SEPTIN9: variants seen among roughly 807,000 people sequenced by gnomAD.
SEPTIN9 encodes the protein septin 9.
SEPTIN9 carries 13 observed loss-of-function variants against 56.6 expected under a neutral mutation model. That is an observed-to-expected ratio of 0.23 (90% confidence interval 0.15 to 0.37). The LOEUF is 0.37. SEPTIN9 is among the 10% of genes least tolerant of loss of function. The probability of loss-of-function intolerance (pLI) is 1.00; values close to 1 mark genes in which losing one functional copy is unlikely to be tolerated. For synonymous variants in SEPTIN9, 332 were observed against 334.1 expected, an observed-to-expected ratio of 0.99 and a Z score of 0.07; for missense variants, 650 against 823.1, an observed-to-expected ratio of 0.79 and a Z score of 2.57.
intron 3 of SEPTIN9, among the ~76,000 whole-genome samples, chr17:77,467,087 C>T (rs189871069): frequency 1.3e-5 from 2 of 152,338 alleles, no homozygotes; most frequent in African/African-American, 2.4e-5. Context: ...CCGCTGGGGC[C>T]GGCCATGTCA....
intron 2 of SEPTIN9, among the ~76,000 whole-genome samples, chr17:77,341,475 G>A (rs2033721900): frequency 6.6e-6 from 1 of 152,154 alleles, no homozygotes; most frequent in Non-Finnish European, 1.5e-5. Context: ...TGCAATAATG[G>A]CATTGAAGAT....
chr17:77,353,719 G>C (rs1250921476), intron 2 of SEPTIN9, among the ~76,000 whole-genome samples: 1 of 152,180 alleles, frequency 6.6e-6, no homozygotes, highest in Non-Finnish European at 1.5e-5. Flanking sequence ...TTGGTTGTCT[G>C]TGAGGACCAG....
intron 2 of SEPTIN9, among the ~76,000 whole-genome samples, chr17:77,397,979 GT>G (rs35934255): frequency 3.0e-4 from 43 of 141,576 alleles, no homozygotes; most frequent in South Asian, 4.5e-4. Context: ...GGTTTTGGTT[GT>G]TTTTTTTTTT....
intron 2 of SEPTIN9, among the ~76,000 whole-genome samples, chr17:77,332,105 A>G (rs1234326442): frequency 6.6e-6 from 1 of 152,000 alleles, no homozygotes; most frequent in Non-Finnish European, 1.5e-5. Flanking sequence ...GTGAGATCCC[A>G]TCTCTATAAA....
At chr17:77,407,392 T>G (rs938718670) in intron 3 of SEPTIN9, among the ~76,000 whole-genome samples, 1 of 150,112 alleles carries the variant, frequency 6.7e-6, no homozygotes. Context: ...TGGTGGTGAG[T>G]TGGGATGGCT....
chr17:77,359,653 G>C (rs2034353852), intron 2 of SEPTIN9, among the ~76,000 whole-genome samples: 1 of 152,126 alleles, frequency 6.6e-6, no homozygotes, highest in Non-Finnish European at 1.5e-5. Context: ...ATGTAGCTGA[G>C]TGTGGTGGCA....
At position 77,490,842 on chromosome 17, in the gene SEPTIN9, G is replaced by A; in HGVS notation, c.1363G>A (p.Val455Ile). 2 of 1,584,748 alleles carry A rather than the reference G, an allele frequency of 1.3e-6. No homozygotes were observed. The highest frequency in any genetic ancestry group is 1.7e-6 in the Non-Finnish European group (2 of 1,165,192). ...KADTLTLEER[V>I]HFKQRITADL... ...GGACACACTCACCCTGGAGGAGAGG[G>A]TCCACTTCAAACAGCGGGTAGGGTT... The change falls in exon 8 of 12, where the codon GTC becomes ATC. Residue 455 changes from valine (V) to isoleucine (I), a missense_variant. Coordinates refer to ENST00000427177, the MANE Select transcript of SEPTIN9 (RefSeq NM_001113491.2).
At position 77,330,235 on chromosome 17, in the gene SEPTIN9, C is replaced by G. The variant is rs79115122; in HGVS notation, c.76+23038C>G. On this transcript the variant is annotated intron_variant, in intron 2 of 11. Coordinates refer to ENST00000427177, the MANE Select transcript of SEPTIN9 (RefSeq NM_001113491.2). This position sits in a 1 kb window ranked among gnomAD's most constrained non-coding sequence, Gnocchi z 4.4. Reference sequence around the variant, plus strand: ...TCGGGGGGACTTCCCCCTCTTGGAGCACCTGCTGCTCCGGGTGCCTCTGGG... The same window carrying G: ...TCGGGGGGACTTCCCCCTCTTGGAGGACCTGCTGCTCCGGGTGCCTCTGGG... Among the ~76,000 whole-genome samples the G allele has an allele frequency of 6.6e-6, 1 of 152,234 alleles. No homozygotes were observed. The highest frequency in any genetic ancestry group is 6.5e-5 in the Admixed American group (1 of 15,286).
intron 1 of SEPTIN9, among the ~76,000 whole-genome samples, chr17:77,302,252 C>A (rs912286834): frequency 2.6e-5 from 4 of 151,586 alleles, no homozygotes; most frequent in African/African-American, 9.7e-5. Context: ...TGCTTGAGAC[C>A]AGGAGTTTGA....
chr17:77,404,043 T>C (rs534123259), intron 3 of SEPTIN9, among the ~76,000 whole-genome samples: 14 of 152,290 alleles, frequency 9.2e-5, no homozygotes, highest in African/African-American at 3.1e-4. Context: ...TAACTGCCCA[T>C]TTTGTGTCTG....
intron 2 of SEPTIN9, among the ~76,000 whole-genome samples, chr17:77,344,184 C>CAAA: frequency 6.6e-6 from 1 of 151,580 alleles, no homozygotes; most frequent in Non-Finnish European, 1.5e-5. Flanking sequence ...AGCCACAAAA[C>CAAA]AAAAAAAAAC....
At chr17:77,388,447 C>T (rs1029167116) in intron 2 of SEPTIN9, among the ~76,000 whole-genome samples, 1 of 152,222 alleles carries the variant, frequency 6.6e-6, no homozygotes, top group Admixed American at 6.5e-5. Flanking sequence ...AGGTCCTCCT[C>T]ACCCTGGAGT....
At chr17:77,293,245 C>T (rs1357592906) in intron 1 of SEPTIN9, among the ~76,000 whole-genome samples, 1 of 152,090 alleles carries the variant, frequency 6.6e-6, no homozygotes, top group African/African-American at 2.4e-5. Context: ...TCCTGAACTC[C>T]CAACCTCAAG....
chr17:77,439,213 A>C (rs191476225), intron 3 of SEPTIN9, among the ~76,000 whole-genome samples: 1 of 152,068 alleles, frequency 6.6e-6, no homozygotes, highest in East Asian at 1.9e-4. Flanking sequence ...CTGGTTGGGG[A>C]GGAGGGTTGG....
chr17:77,340,165 G>C (rs2033682470), intron 2 of SEPTIN9, among the ~76,000 whole-genome samples: 1 of 151,482 alleles, frequency 6.6e-6, no homozygotes, highest in Non-Finnish European at 1.5e-5. Context: ...AATTGAGACA[G>C]AGTCTCCCTC....
rs560842167 is a variant in SEPTIN9 at position 77,313,562 on chromosome 17, G to T, written c.76+6365G>T. 6.6e-6 allele frequency among the ~76,000 whole-genome samples: 1 copy of T among 152,010 alleles called. No homozygotes were observed. Among genetic ancestry groups the T allele is most frequent in the Non-Finnish European group, 1.5e-5 (1 of 67,942 alleles). On this transcript the variant is annotated intron_variant, in intron 2 of 11. Transcript: ENST00000427177. The surrounding 1 kb of genome is among the most constrained non-coding windows in gnomAD (Gnocchi z 4.5). ...CCGTCTTGCTTGGGAGGCTGTAGGCGGGCCAGGCTGGGGCCAGCCTGGAGG... is the reference window on the plus strand; with the variant it reads ...CCGTCTTGCTTGGGAGGCTGTAGGCTGGCCAGGCTGGGGCCAGCCTGGAGG...
intron 3 of SEPTIN9, among the ~76,000 whole-genome samples, chr17:77,452,294 C>T (rs2038009972): frequency 6.6e-6 from 1 of 152,228 alleles, no homozygotes; most frequent in Admixed American, 6.5e-5. Flanking sequence ...ACCCCAGAGA[C>T]TAAATCATGC....
intron 2 of SEPTIN9, among the ~76,000 whole-genome samples, chr17:77,368,560 C>A (rs1054697213): frequency 2.0e-5 from 3 of 152,168 alleles, no homozygotes; most frequent in African/African-American, 7.2e-5. Context: ...GATCCACCCA[C>A]CTTGGCCTTC....
At chr17:77,432,889 G>A (rs1302387199) in intron 3 of SEPTIN9, among the ~76,000 whole-genome samples, 1 of 152,232 alleles carries the variant, frequency 6.6e-6, no homozygotes, top group African/African-American at 2.4e-5. Flanking sequence ...TCATGAGCGA[G>A]GCCCCCTGTG....
Sources: allele counts gnomAD v4.1 joint callset (sites outside exome capture counted in the v4.1 genomes callset), GRCh38; gene constraint gnomAD v4.1.1; non-coding constraint Gnocchi (gnomAD v3.1); transcripts MANE v1.5; gene names NCBI Gene and HGNC (gene_info 2026-07-23, HGNC 2026-07-21).